Variants in FAF1 observed in about 807,000 individuals in gnomAD.
The protein encoded by FAF1 is Fas associated factor 1.
Under a neutral mutation model 92.5 loss-of-function variants are expected in FAF1, and 25 were observed. The observed-to-expected ratio is 0.27, with a 90% confidence interval of 0.20 to 0.38. The LOEUF is 0.38. Ranked by LOEUF, FAF1 falls within the 10% of genes least tolerant of loss-of-function variation. The probability of loss-of-function intolerance (pLI) is 1.00; values close to 1 mark genes in which losing one functional copy is unlikely to be tolerated. For missense variants in FAF1, 636 were observed against 793.3 expected (o/e 0.80, Z 2.38); for synonymous variants, 234 against 273.2 (o/e 0.86, Z 1.42).
At chr1:50,681,706 CAG>C (rs1656433169) in intron 7 of FAF1, among the ~76,000 whole-genome samples, 1 of 148,526 alleles carries the variant, frequency 6.7e-6, no homozygotes, top group South Asian at 2.2e-4. Context: ...TTAGTAGAGA[CAG>C]GGGTTTCACC....
chr1:50,639,471 C>T (rs1249307369), intron 8 of FAF1, among the ~76,000 whole-genome samples: 2 of 152,124 alleles, frequency 1.3e-5, no homozygotes, highest in East Asian at 3.8e-4. Flanking sequence ...CCTTATTCAC[C>T]TGATTGTATA....
At chr1:50,554,390 T>TAGAGAGAGAGAGAGAGAGAGAGAGAG (rs34360366) in intron 13 of FAF1, among the ~76,000 whole-genome samples, 5 of 93,684 alleles carry the variant, frequency 5.3e-5, no homozygotes, top group African/African-American at 2.4e-4. Context: ...TATATATATA[T>TAGAGAGAGAGAGAGAGAGAGAGAGAG]AGAGAGAGAG....
At chr1:50,799,881 G>C (rs906348576) in intron 3 of FAF1, among the ~76,000 whole-genome samples, 1 of 152,084 alleles carries the variant, frequency 6.6e-6, no homozygotes, top group African/African-American at 2.4e-5. Flanking sequence ...AGTACACAAA[G>C]AGCCCTCTTT....
chr1:50,752,116 C>T (rs537097927), intron 4 of FAF1, among the ~76,000 whole-genome samples: 31 of 152,216 alleles, frequency 2.0e-4, no homozygotes, highest in South Asian at 8.3e-4. Context: ...ACTACAGGCG[C>T]GTGCCACCAC....
intron 15 of FAF1, among the ~76,000 whole-genome samples, chr1:50,494,026 T>C (rs1453382632): frequency 2.0e-5 from 3 of 152,240 alleles, no homozygotes; most frequent in African/African-American, 4.8e-5. Context: ...TGTGTGTTCT[T>C]TCCCTTACTC....
Position 50,899,396 on chromosome 1 carries a change from C to G in FAF1, c.46-41399G>C, listed in dbSNP as rs559712296. Among the ~76,000 whole-genome samples, 114 of 152,234 alleles carry G rather than the reference C, an allele frequency of 7.5e-4. 1 individual carries two copies. The highest frequency in any genetic ancestry group is 2.6e-3 in the African/African-American group (108 of 41,542). On this transcript the variant is annotated intron_variant, in intron 1 of 18. Coordinates refer to ENST00000396153, the MANE Select transcript of FAF1 (RefSeq NM_007051.3). ...GTCATATTTTCTAGCTTCTTACATG[C>G]TTGGTAATTTTTGATTGGGTCCAAA... is the stretch of plus-strand genomic sequence containing the variant.
intron 1 of FAF1, among the ~76,000 whole-genome samples, chr1:50,909,296 C>T (rs1570128052): frequency 1.3e-5 from 2 of 152,188 alleles, no homozygotes; most frequent in South Asian, 4.1e-4. Flanking sequence ...TTCTCTCTGG[C>T]TACCCTTAAC....
intron 6 of FAF1, among the ~76,000 whole-genome samples, chr1:50,725,479 A>G (rs1328040907): frequency 6.6e-6 from 1 of 152,156 alleles, no homozygotes; most frequent in African/African-American, 2.4e-5. Flanking sequence ...TTTTTGAGAC[A>G]GAGTCTCGCT....
intron 2 of FAF1, among the ~76,000 whole-genome samples, chr1:50,804,074 G>A (rs1002455399): frequency 2.6e-5 from 4 of 152,108 alleles, no homozygotes; most frequent in Admixed American, 2.0e-4. Context: ...CAGGTCACAG[G>A]AGAATATCAA....
At chr1:50,736,690 G>A (rs1557501294) in intron 6 of FAF1, among the ~76,000 whole-genome samples, 1 of 152,076 alleles carries the variant, frequency 6.6e-6, no homozygotes, top group African/African-American at 2.4e-5. Context: ...GGCGGAGGTT[G>A]CAGTGAGCTG....
chr1:50,682,040 G>A (rs565960796), intron 7 of FAF1, among the ~76,000 whole-genome samples: 43 of 151,628 alleles, frequency 2.8e-4, no homozygotes, highest in African/African-American at 1.0e-3. Context: ...TCACTATGTT[G>A]CTAAGGCTGG....
chr1:50,624,667 T>G (rs1653407410), intron 8 of FAF1, among the ~76,000 whole-genome samples: 1 of 152,204 alleles, frequency 6.6e-6, no homozygotes, highest in South Asian at 2.1e-4. Flanking sequence ...TAATTGATTT[T>G]ATTTCTCCAA....
chr1:50,768,769 G>C (rs1416662374), intron 4 of FAF1, among the ~76,000 whole-genome samples: 2 of 151,950 alleles, frequency 1.3e-5, no homozygotes, highest in Admixed American at 6.5e-5. Flanking sequence ...AGAAACTCTG[G>C]GACACAGCTT....
At chr1:50,590,471 T>C (rs942111182) in intron 9 of FAF1, among the ~76,000 whole-genome samples, 1 of 152,244 alleles carries the variant, frequency 6.6e-6, no homozygotes, top group Non-Finnish European at 1.5e-5. Context: ...GAAATGCAAG[T>C]GATTTTTGTG....
At chr1:50,591,324 A>G (rs573311531) in intron 9 of FAF1, among the ~76,000 whole-genome samples, 1 of 152,236 alleles carries the variant, frequency 6.6e-6, no homozygotes, top group East Asian at 1.9e-4. Context: ...TGCACAGCAG[A>G]GCGCTCTTCA....
At chr1:50,805,775 G>T (rs1662170575) in intron 2 of FAF1, among the ~76,000 whole-genome samples, 2 of 152,128 alleles carry the variant, frequency 1.3e-5, no homozygotes, top group Admixed American at 6.5e-5. Context: ...ATGAGACAGG[G>T]ATGTAGAGAC....
At chr1:50,909,870 T>A (rs1388609458) in intron 1 of FAF1, among the ~76,000 whole-genome samples, 1 of 152,234 alleles carries the variant, frequency 6.6e-6, no homozygotes, top group Non-Finnish European at 1.5e-5. Context: ...GTCTGAAGCC[T>A]TCTTGTCTCA....
At chr1:50,880,515 T>C (rs754492556) in intron 1 of FAF1, among the ~76,000 whole-genome samples, 7 of 152,104 alleles carry the variant, frequency 4.6e-5, no homozygotes, top group Non-Finnish European at 7.4e-5. Context: ...TCCTTATAGA[T>C]AGAAATACTA....
chr1:50,794,559 A>C (rs1406421169), intron 3 of FAF1, among the ~76,000 whole-genome samples: 1 of 152,244 alleles, frequency 6.6e-6, no homozygotes, highest in Non-Finnish European at 1.5e-5. Context: ...GGGTGACAAG[A>C]AAGTCTAGAG....
Sources: gnomAD v4.1 joint callset for allele counts (sites outside exome capture counted in the v4.1 genomes callset) on GRCh38, gnomAD v4.1.1 for gene constraint, MANE v1.5 for transcripts, NCBI Gene and HGNC (gene_info 2026-07-23, HGNC 2026-07-21) for gene names.